The following SGMS1 variants were observed in gnomAD, a reference collection of about 807,000 sequenced individuals.
SGMS1 encodes the protein phosphatidylcholine:ceramide cholinephosphotransferase 1.
SGMS1 carries 13 observed loss-of-function variants against 46.2 expected under a neutral mutation model. The ratio of observed to expected loss-of-function variants is 0.28; its 90% CI spans 0.18 to 0.45. SGMS1 has a LOEUF of 0.45. Among genes scored for constraint, SGMS1 ranks in the 20% least tolerant of loss-of-function variants. The pLI, the probability that SGMS1 is intolerant of heterozygous loss-of-function variation, is 1.00. For missense variants in SGMS1, 324 were observed against 519.9 expected (o/e 0.62, Z 3.66); for synonymous variants, 203 against 187.8 (o/e 1.08, Z -0.66).
intron 6 of SGMS1, among the ~76,000 whole-genome samples, chr10:50,419,838 G>A (rs149912978): frequency 6.6e-6 from 1 of 152,288 alleles, no homozygotes; most frequent in East Asian, 1.9e-4. Flanking sequence ...CATGTTTAGA[G>A]TCATTCCACA....
chr10:50,556,564 G>A (rs1315163263), intron 2 of SGMS1, among the ~76,000 whole-genome samples: 1 of 152,182 alleles, frequency 6.6e-6, no homozygotes, highest in Non-Finnish European at 1.5e-5. Context: ...GAGCAAGGAG[G>A]CCAGAGTGAA....
In SGMS1 at chr10:50,311,299, C is replaced by T. The variant is rs142654395; in HGVS notation, c.858G>A (p.Thr286=). The change falls in exon 9 of 11, where the codon ACG becomes ACA. Residue 286 remains threonine, a synonymous_variant. Coordinates refer to ENST00000361781, the MANE Select transcript of SGMS1 (RefSeq NM_147156.4). The part of the protein sequence containing the change: ...MCGDYLYSGH[T]VMLTLTYLFI... ...ATAAGTAGGTAAGTGTTAGCATGAC[C>T]GTGTGGCCGCTGTACAGATAGTCCC... is the stretch of plus-strand genomic sequence containing the variant. The T allele has an allele frequency of 6.7e-4, 1,075 of 1,613,802 alleles. 11 individuals are homozygous for T. In the East Asian group the frequency reaches 0.019, roughly 29 times the overall value.
At position 50,422,764 on chromosome 10, in the gene SGMS1, G is replaced by A. The variant is rs572918968; in HGVS notation, c.-232+10712C>T. Among the ~76,000 whole-genome samples the A allele has an allele frequency of 4.6e-5, 7 of 152,262 alleles. No homozygotes were observed. The South Asian group carries it at 1.5e-3, about 32-fold the overall frequency. On this transcript the variant is annotated intron_variant, in intron 6 of 10. Coordinates refer to ENST00000361781, the MANE Select transcript of SGMS1 (RefSeq NM_147156.4). ...TTCATAAATCCTAGAACTGTCATAG[G>A]TATACATTTATTATATGGCATTTGC...
At chr10:50,339,431 G>T (rs1032101404) in intron 7 of SGMS1, among the ~76,000 whole-genome samples, 1 of 152,134 alleles carries the variant, frequency 6.6e-6, no homozygotes, top group South Asian at 2.1e-4. Flanking sequence ...GAGGAGTCTG[G>T]TTTCCGATCA....
chr10:50,493,779 C>T (rs947199607), intron 3 of SGMS1, among the ~76,000 whole-genome samples: 1 of 152,012 alleles, frequency 6.6e-6, no homozygotes, highest in African/African-American at 2.4e-5. Context: ...CAACTCACAC[C>T]AGTCAGAATG....
chr10:50,447,935 C>T (rs1837046059), intron 5 of SGMS1, among the ~76,000 whole-genome samples: 1 of 152,142 alleles, frequency 6.6e-6, no homozygotes, highest in African/African-American at 2.4e-5. Flanking sequence ...ACCCTTCACC[C>T]CCAAATTCCA....
intron 2 of SGMS1, among the ~76,000 whole-genome samples, chr10:50,568,051 G>A: frequency 6.6e-6 from 1 of 152,162 alleles, no homozygotes; most frequent in East Asian, 1.9e-4. Flanking sequence ...AAAAAAGCAG[G>A]TGGGATAAGA....
intron 2 of SGMS1, among the ~76,000 whole-genome samples, chr10:50,559,951 G>A (rs1838219007): frequency 6.6e-6 from 1 of 151,796 alleles, no homozygotes; most frequent in Non-Finnish European, 1.5e-5. Context: ...AATAAAGCAA[G>A]TATAAGTAGC....
chr10:50,502,037 C>T (rs1837665916), intron 3 of SGMS1, among the ~76,000 whole-genome samples: 1 of 151,872 alleles, frequency 6.6e-6, no homozygotes, highest in Non-Finnish European at 1.5e-5. Context: ...ACTATGTTTC[C>T]ACAATGTACT....
At chr10:50,330,122 C>G (rs1401479777) in intron 7 of SGMS1, among the ~76,000 whole-genome samples, 1 of 152,018 alleles carries the variant, frequency 6.6e-6, no homozygotes, top group Non-Finnish European at 1.5e-5. Flanking sequence ...ATACTACCAG[C>G]ACTAGAGTGT....
At chr10:50,580,321 C>T (rs553015398) in intron 2 of SGMS1, among the ~76,000 whole-genome samples, 70 of 152,130 alleles carry the variant, frequency 4.6e-4, no homozygotes, top group African/African-American at 1.5e-3. Context: ...TAAAAAGAGA[C>T]GATGATTACA....
chr10:50,440,275 A>AT lies in SGMS1; in HGVS notation c.-312-6720_-312-6719insA, dbSNP rs1255528566. The stretch of plus-strand genomic sequence containing the variant: ...ACTCTCCCAGCAACCCAAATTAAAA[A>AT]ATATATATATATATATATTTTCTTT... On this transcript the variant is annotated intron_variant, in intron 5 of 10. Coordinates refer to ENST00000361781, the MANE Select transcript of SGMS1 (RefSeq NM_147156.4). 8.7e-3 allele frequency among the ~76,000 whole-genome samples: 1,217 copies of AT among 140,060 alleles called. 17 individuals are homozygous for AT. The highest frequency in any genetic ancestry group is 9.2e-3 in the Non-Finnish European group (620 of 67,118). 91.9% of individuals were successfully genotyped at this position (140,060 alleles called of 152,430 possible). A position where few individuals can be genotyped will look rare whatever the true frequency, so the allele number is the denominator to read the frequency against.
chr10:50,404,543 C>A (rs1038950410), intron 6 of SGMS1, among the ~76,000 whole-genome samples: 4 of 151,998 alleles, frequency 2.6e-5, no homozygotes, highest in Admixed American at 2.6e-4. Context: ...TTTGAGGTTG[C>A]AATAAGCTAT....
intron 1 of SGMS1, among the ~76,000 whole-genome samples, chr10:50,597,415 T>G (rs770819817): frequency 1.3e-5 from 2 of 152,198 alleles, no homozygotes; most frequent in African/African-American, 4.8e-5. Context: ...CCATGGCACA[T>G]CCATACAACA....
chr10:50,513,278 T>C (rs1387832963), intron 3 of SGMS1, among the ~76,000 whole-genome samples: 1 of 152,104 alleles, frequency 6.6e-6, no homozygotes, highest in African/African-American at 2.4e-5. Context: ...TTTTCAATGG[T>C]CCCTGGGAAA....
intron 8 of SGMS1, among the ~76,000 whole-genome samples, chr10:50,321,452 T>C (rs185053278): frequency 6.6e-6 from 1 of 151,604 alleles, no homozygotes. Flanking sequence ...CTTTAATCAC[T>C]GAAAAAGGAA....
At chr10:50,477,748 T>C (rs1837440407) in intron 3 of SGMS1, among the ~76,000 whole-genome samples, 1 of 152,144 alleles carries the variant, frequency 6.6e-6, no homozygotes, top group Non-Finnish European at 1.5e-5. Flanking sequence ...AAGATCTGCT[T>C]GCTAAAACAT....
At chr10:50,505,290 G>A (rs1022618946) in intron 3 of SGMS1, among the ~76,000 whole-genome samples, 2 of 152,084 alleles carry the variant, frequency 1.3e-5, no homozygotes, top group African/African-American at 4.8e-5. Context: ...ATTACAATAG[G>A]TTATAATTTA....
rs146979550 is a variant in SGMS1 at position 50,477,535 on chromosome 10, T to C, written c.-497-10603A>G. On this transcript the variant is annotated intron_variant, in intron 3 of 10. Transcript: ENST00000361781. ...TGGTTGGGAGGGCATGATCGTGTTT[T>C]GAAATGTGAGAAGGACATGAGATTC... Among the ~76,000 whole-genome samples the C allele has an allele frequency of 1.7e-3, 252 of 152,312 alleles. 1 individual carries two copies. The highest frequency in any genetic ancestry group is 5.8e-3 in the African/African-American group (243 of 41,566).
Sources: gnomAD v4.1 joint callset for allele counts (sites outside exome capture counted in the v4.1 genomes callset) on GRCh38, gnomAD v4.1.1 for gene constraint, MANE v1.5 for transcripts, NCBI Gene and HGNC (gene_info 2026-07-23, HGNC 2026-07-21) for gene names.